ATXN1: variants seen among roughly 807,000 people sequenced by gnomAD.
ATXN1 encodes the protein ataxin-1.
Under a neutral mutation model 56.4 loss-of-function variants are expected in ATXN1, and 8 were observed. That is an observed-to-expected ratio of 0.14 (90% CI 0.08 to 0.26). The LOEUF (loss-of-function observed/expected upper bound fraction) is 0.26. Ranked by LOEUF, ATXN1 falls within the 10% of genes least tolerant of loss-of-function variation. ATXN1 has a pLI of 1.00. For missense variants in ATXN1, 987 were observed against 1,106.5 expected, an observed-to-expected ratio of 0.89 and a Z score of 1.53; for synonymous variants, 514 against 494.6, an observed-to-expected ratio of 1.04 and a Z score of -0.52.
intron 7 of ATXN1, among the ~76,000 whole-genome samples, chr6:16,317,026 GGTC>G (rs938379618): frequency 3.3e-5 from 5 of 152,086 alleles, no homozygotes; most frequent in South Asian, 2.1e-4. Context: ...CAGATGCTGA[GGTC>G]GTCATGATTT....
chr6:16,346,961 G>A (rs961524305), intron 6 of ATXN1, among the ~76,000 whole-genome samples: 2 of 152,184 alleles, frequency 1.3e-5, no homozygotes, highest in South Asian at 2.1e-4. Flanking sequence ...GGGCTCCGTG[G>A]GCCCCGCACT....
intron 6 of ATXN1, among the ~76,000 whole-genome samples, chr6:16,376,626 G>A (rs1042422434): frequency 1.2e-4 from 19 of 152,240 alleles, no homozygotes; most frequent in Non-Finnish European, 2.5e-4. Flanking sequence ...TCACCTTCCC[G>A]CTTTCCTTTT....
At chr6:16,315,879 G>C (rs547673606) in intron 7 of ATXN1, among the ~76,000 whole-genome samples, 1 of 152,256 alleles carries the variant, frequency 6.6e-6, no homozygotes, top group Non-Finnish European at 1.5e-5. Context: ...ATGGAGCCTT[G>C]CTATGTTGGC....
At chr6:16,664,056 C>T (rs998796603) in intron 2 of ATXN1, among the ~76,000 whole-genome samples, 9 of 152,070 alleles carry the variant, frequency 5.9e-5, no homozygotes, top group African/African-American at 2.2e-4. Flanking sequence ...TTTAAAAATA[C>T]CAAACAGTAG....
chr6:16,656,192 C>T (rs1055232248), intron 3 of ATXN1, among the ~76,000 whole-genome samples: 16 of 152,036 alleles, frequency 1.1e-4, no homozygotes, highest in East Asian at 5.8e-4. Context: ...AGGGACCCCC[C>T]GAGGACCTGG....
intron 2 of ATXN1, among the ~76,000 whole-genome samples, chr6:16,668,452 G>C (rs1333050905): frequency 3.4e-5 from 5 of 145,560 alleles, no homozygotes; most frequent in Non-Finnish European, 7.4e-5. Flanking sequence ...CTTGCCTTTT[G>C]GTCTTGAGAG....
At chr6:16,337,308 G>A (rs534123784) in intron 6 of ATXN1, among the ~76,000 whole-genome samples, 118 of 152,344 alleles carry the variant, frequency 7.7e-4, no homozygotes, top group African/African-American at 2.6e-3. Context: ...TCAGGACATC[G>A]GCCATGTGGC....
intron 6 of ATXN1, among the ~76,000 whole-genome samples, chr6:16,460,240 A>G (rs1227929649): frequency 6.6e-6 from 1 of 152,204 alleles, no homozygotes; most frequent in Non-Finnish European, 1.5e-5. Flanking sequence ...AGCCTTCCCC[A>G]GGACAAAACT....
chr6:16,720,874 A>G (rs763707749), intron 2 of ATXN1, among the ~76,000 whole-genome samples: 3 of 152,208 alleles, frequency 2.0e-5, no homozygotes, highest in Non-Finnish European at 4.4e-5. Context: ...ATCCAGCAAA[A>G]TATTTCTTTA....
At chr6:16,340,001 T>C (rs1469071290) in intron 6 of ATXN1, among the ~76,000 whole-genome samples, 1 of 152,216 alleles carries the variant, frequency 6.6e-6, no homozygotes, top group African/African-American at 2.4e-5. Flanking sequence ...CAGGATGGTC[T>C]CGATCTCTTG....
chr6:16,676,429 T>C (rs1758661744), intron 2 of ATXN1, among the ~76,000 whole-genome samples: 1 of 152,208 alleles, frequency 6.6e-6, no homozygotes, highest in Admixed American at 6.5e-5. Flanking sequence ...AAACCAACTC[T>C]TTCTGGTATT....
intron 2 of ATXN1, among the ~76,000 whole-genome samples, chr6:16,733,982 C>T (rs948182131): frequency 1.5e-4 from 23 of 152,238 alleles, no homozygotes; most frequent in Non-Finnish European, 2.5e-4. Context: ...ACCCCAGCCA[C>T]TCCGGAGGCT....
At chr6:16,363,232 G>T (rs764653111) in intron 6 of ATXN1, among the ~76,000 whole-genome samples, 1 of 152,230 alleles carries the variant, frequency 6.6e-6, no homozygotes, top group Non-Finnish European at 1.5e-5. Context: ...CTCTCTGAGA[G>T]CAAGAACTAT....
At chr6:16,371,783 T>C (rs951659805) in intron 6 of ATXN1, among the ~76,000 whole-genome samples, 3 of 152,046 alleles carry the variant, frequency 2.0e-5, no homozygotes, top group Admixed American at 6.6e-5. Flanking sequence ...CTTGCTATGG[T>C]ACCTAGGCTG....
intron 2 of ATXN1, among the ~76,000 whole-genome samples, chr6:16,690,114 G>A (rs1005254070): frequency 3.7e-4 from 56 of 151,934 alleles, no homozygotes; most frequent in Admixed American, 1.2e-3. Flanking sequence ...TCTTAGAGAC[G>A]GGGTCTCACT....
chr6:16,452,679 AT>A (rs753554708), intron 6 of ATXN1, among the ~76,000 whole-genome samples: 36 of 152,212 alleles, frequency 2.4e-4, no homozygotes, highest in African/African-American at 8.0e-4. Flanking sequence ...CGTCAAATGT[AT>A]TTTAAGTATC....
chr6:16,546,995 T>C (rs1452593076), intron 4 of ATXN1, among the ~76,000 whole-genome samples: 1 of 152,226 alleles, frequency 6.6e-6, no homozygotes, highest in Non-Finnish European at 1.5e-5. Context: ...GCCCTCCCCT[T>C]GGGGAAGTTC....
In ATXN1 at chr6:16,327,115, T is replaced by A; in HGVS notation, c.1196A>T (p.Gln399Leu). Residue 399 changes from glutamine (Q) to leucine (L), a missense_variant, in exon 7 of 8, where the codon CAG becomes CTG. Gln to Leu is a moderately radical substitution (Grantham distance 113). Transcript: ENST00000436367. ...NTPAADLEVQQATHREASPST... is the reference protein window; with the variant it reads ...NTPAADLEVQLATHREASPST... ...AGGGGAGGCTTCACGATGAGTGGCCTGTTGCACCTCCAGGTCAGCTGCGGG... is the reference window on the plus strand; with the variant it reads ...AGGGGAGGCTTCACGATGAGTGGCCAGTTGCACCTCCAGGTCAGCTGCGGG... The A allele has an allele frequency of 6.2e-7, 1 of 1,613,636 alleles. No homozygotes were observed. Among genetic ancestry groups the A allele is most frequent in the Non-Finnish European group, 8.5e-7 (1 of 1,180,030 alleles).
At chr6:16,681,083 G>T (rs1256736299) in intron 2 of ATXN1, among the ~76,000 whole-genome samples, 1 of 152,200 alleles carries the variant, frequency 6.6e-6, no homozygotes. Flanking sequence ...CAAAGGAAGG[G>T]AGACATGATG....
Sources: gnomAD v4.1 joint callset for allele counts (sites outside exome capture counted in the v4.1 genomes callset) on GRCh38, gnomAD v4.1.1 for gene constraint, MANE v1.5 for transcripts, NCBI Gene and HGNC (gene_info 2026-07-23, HGNC 2026-07-21) for gene names.